CDC42BPA: variants seen among roughly 807,000 people sequenced by gnomAD.
The protein encoded by CDC42BPA is CDC42 binding protein kinase alpha, also known as serine/threonine-protein kinase MRCK alpha.
A neutral mutation model predicts 223.5 loss-of-function variants in CDC42BPA; 80 were observed. That is an observed-to-expected ratio of 0.36 (90% CI 0.30 to 0.43). CDC42BPA has a LOEUF of 0.43. Ranked by LOEUF, CDC42BPA falls within the 20% of genes least tolerant of loss-of-function variation. The pLI is 1.00. For synonymous variants in CDC42BPA, 694 were observed against 718.6 expected (o/e 0.97, Z 0.55); for missense variants, 1,743 against 2,099.9 (o/e 0.83, Z 3.32).
chr1:226,997,884 A>G (rs893830861), intron 35 of CDC42BPA, among the ~76,000 whole-genome samples: 2 of 152,176 alleles, frequency 1.3e-5, no homozygotes, highest in African/African-American at 4.8e-5. Context: ...CAGTTTTAGA[A>G]TAAGTGTGAT....
chr1:227,002,133 A>G (rs1411644710), intron 35 of CDC42BPA, among the ~76,000 whole-genome samples: 1 of 152,202 alleles, frequency 6.6e-6, no homozygotes, highest in Non-Finnish European at 1.5e-5. Flanking sequence ...TGCTGGGAAT[A>G]TAACATAATA....
chr1:227,007,845 C>T (rs941001153), intron 34 of CDC42BPA, among the ~76,000 whole-genome samples: 1 of 152,210 alleles, frequency 6.6e-6, no homozygotes, highest in Non-Finnish European at 1.5e-5. Flanking sequence ...TTACAAGTTT[C>T]AGCAAGAGAA....
chr1:227,102,065 A>G (rs761598221), intron 14 of CDC42BPA, among the ~76,000 whole-genome samples: 2 of 152,168 alleles, frequency 1.3e-5, no homozygotes, highest in Non-Finnish European at 2.9e-5. Flanking sequence ...TTAAAACTAA[A>G]AGAATCTATG....
At chr1:227,172,450 A>G (rs967841299) in intron 5 of CDC42BPA, among the ~76,000 whole-genome samples, 1 of 152,248 alleles carries the variant, frequency 6.6e-6, no homozygotes, top group Non-Finnish European at 1.5e-5. Flanking sequence ...AACAAGGAGA[A>G]CAAGTAAAAC....
chr1:227,291,851 CAT>C (rs1689756323), intron 1 of CDC42BPA, among the ~76,000 whole-genome samples: 1 of 152,062 alleles, frequency 6.6e-6, no homozygotes, highest in African/African-American at 2.4e-5. Flanking sequence ...GAAGTTAAGA[CAT>C]GTACCACCAG....
In CDC42BPA at chr1:227,250,193, T is replaced by A. The variant is rs189960681; in HGVS notation, c.270+3871A>T. Reference sequence around the variant, plus strand: ...ATGTACCCACAAAAATTAAAAAAAATAATAATAATAAGGCCAGGCATGGTG... The same window carrying A: ...ATGTACCCACAAAAATTAAAAAAAAAAATAATAATAAGGCCAGGCATGGTG... On this transcript the variant is annotated intron_variant, in intron 2 of 36. Transcript: ENST00000366766. Among the ~76,000 whole-genome samples, 1,486 of 151,900 alleles carry A rather than the reference T, an allele frequency of 9.8e-3. 5 individuals carry two copies. Among genetic ancestry groups the A allele is most frequent in the Non-Finnish European group, 0.015 (1,015 of 67,920 alleles).
intron 11 of CDC42BPA, among the ~76,000 whole-genome samples, chr1:227,125,661 G>A (rs2090009): frequency 0.15 from 23,157 of 149,942 alleles, 2,178 homozygotes; most frequent in African/African-American, 0.25. Context: ...AACCCTCACT[G>A]GCTGACAACA....
At chr1:227,218,042 T>C (rs977165776) in intron 2 of CDC42BPA, among the ~76,000 whole-genome samples, 2 of 152,284 alleles carry the variant, frequency 1.3e-5, no homozygotes, top group East Asian at 1.9e-4. Context: ...CACCTAGTAA[T>C]TGGGAATCTA....
intron 2 of CDC42BPA, among the ~76,000 whole-genome samples, chr1:227,232,824 C>T (rs1186495415): frequency 6.6e-6 from 1 of 152,232 alleles, no homozygotes; most frequent in Non-Finnish European, 1.5e-5. Context: ...TCGGCCCCTA[C>T]TGGGAGGTGT....
At chr1:227,040,804 T>C (rs1202648902) in intron 23 of CDC42BPA, among the ~76,000 whole-genome samples, 1 of 152,166 alleles carries the variant, frequency 6.6e-6, no homozygotes, top group Non-Finnish European at 1.5e-5. Flanking sequence ...CAGAGACAGA[T>C]GGCAGATTGA....
At position 227,145,474 on chromosome 1, in the gene CDC42BPA, C is replaced by G. The variant is rs57454791; in HGVS notation, c.1143+15G>C. The G allele has an allele frequency of 0.011, 18,032 of 1,603,254 alleles. 1,614 individuals are homozygous for G. In the African/African-American group the frequency reaches 0.2, roughly 18 times the overall value. On this transcript the variant is annotated intron_variant, in intron 8 of 36. Coordinates refer to ENST00000366766, the MANE Select transcript of CDC42BPA (RefSeq NM_001394014.1). ...GAAACAGAGGGACAGAACTTCTTCA[C>G]AGTGTCATACTTACAGAATTTTTTA...
intron 14 of CDC42BPA, among the ~76,000 whole-genome samples, chr1:227,109,824 G>C (rs1208354047): frequency 1.3e-5 from 2 of 151,388 alleles, no homozygotes; most frequent in Non-Finnish European, 2.9e-5. Flanking sequence ...CTAGATGATA[G>C]GAATTTTTCC....
At chr1:227,020,692 A>AT (rs758703410) in intron 32 of CDC42BPA, among the ~76,000 whole-genome samples, 1 of 152,228 alleles carries the variant, frequency 6.6e-6, no homozygotes, top group Non-Finnish European at 1.5e-5. Context: ...TGTAACAGCA[A>AT]TAAGGTTGTT....
At chr1:227,064,020 G>T (rs1676475924) in intron 21 of CDC42BPA, among the ~76,000 whole-genome samples, 1 of 152,158 alleles carries the variant, frequency 6.6e-6, no homozygotes, top group African/African-American at 2.4e-5. Context: ...AACTCAGCCT[G>T]CCAATGTTGT....
chr1:227,067,561 C>T (rs1277188097), intron 21 of CDC42BPA, among the ~76,000 whole-genome samples: 3 of 151,952 alleles, frequency 2.0e-5, no homozygotes, highest in African/African-American at 7.3e-5. Flanking sequence ...CATGCAATAC[C>T]ACTGTACACG....
In CDC42BPA at chr1:227,145,437, C is replaced by T. The variant is rs199994325; in HGVS notation, c.1143+52G>A. The T allele has an allele frequency of 1.8e-4, 281 of 1,521,132 alleles. 2 individuals are homozygous for T. Among genetic ancestry groups the T allele is most frequent in the Admixed American group, 1.2e-3 (65 of 53,556 alleles). 94.2% of individuals were successfully genotyped at this position (1,521,132 alleles called of 1,614,324 possible). The stretch of plus-strand genomic sequence containing the variant: ...TATAAACCAAAAAATTACTATATAA[C>T]CATAGTAGAAAGAAACAGAGGGACA... On this transcript the variant is annotated intron_variant, in intron 8 of 36. Transcript: ENST00000366766.
chr1:226,999,686 T>C (rs1033380424), intron 35 of CDC42BPA, among the ~76,000 whole-genome samples: 2 of 151,992 alleles, frequency 1.3e-5, no homozygotes, highest in Non-Finnish European at 2.9e-5. Context: ...ATAGCAAAGA[T>C]TTGGAACCAA....
intron 11 of CDC42BPA, among the ~76,000 whole-genome samples, chr1:227,124,001 C>A (rs928184009): frequency 2.0e-5 from 3 of 152,004 alleles, no homozygotes; most frequent in African/African-American, 7.2e-5. Flanking sequence ...CAAAAAAATT[C>A]TATTTTCTCA....
chr1:227,235,841 A>C (rs1303507495), intron 2 of CDC42BPA, among the ~76,000 whole-genome samples: 1 of 152,190 alleles, frequency 6.6e-6, no homozygotes, highest in South Asian at 2.1e-4. Context: ...CAGGTTTTCC[A>C]AAAGAATTGC....
Sources: allele counts gnomAD v4.1 joint callset (sites outside exome capture counted in the v4.1 genomes callset), GRCh38; gene constraint gnomAD v4.1.1; transcripts MANE v1.5; gene names NCBI Gene and HGNC (gene_info 2026-07-23, HGNC 2026-07-21).